ZBTB16: variants seen among roughly 807,000 people sequenced by gnomAD.
The protein encoded by ZBTB16 is zinc finger and BTB domain containing 16, also known as zinc finger and BTB domain-containing protein 16.
ZBTB16 carries 8 observed loss-of-function variants against 56.8 expected under a neutral mutation model. The observed-to-expected ratio is 0.14, with a 90% CI of 0.08 to 0.25. The LOEUF is 0.25. ZBTB16 is among the 10% of genes least tolerant of loss of function. ZBTB16 has a pLI of 1.00. For missense variants in ZBTB16, 625 were observed against 903.0 expected (o/e 0.69, Z 3.95); for synonymous variants, 363 against 368.5 (o/e 0.98, Z 0.17).
intron 2 of ZBTB16, among the ~76,000 whole-genome samples, chr11:114,077,656 A>G (rs1397849075): frequency 6.6e-6 from 1 of 152,166 alleles, no homozygotes; most frequent in Non-Finnish European, 1.5e-5. Flanking sequence ...GAGTTGCCTC[A>G]TCAGACGTGA....
intron 2 of ZBTB16, among the ~76,000 whole-genome samples, chr11:114,121,210 G>A (rs1426027677): frequency 1.3e-5 from 2 of 152,172 alleles, no homozygotes; most frequent in Non-Finnish European, 2.9e-5. Context: ...TAGTGTTTGC[G>A]ATTTCTGTGG....
At chr11:114,148,715 G>A (rs968031118) in intron 2 of ZBTB16, among the ~76,000 whole-genome samples, 6 of 151,464 alleles carry the variant, frequency 4.0e-5, no homozygotes, top group East Asian at 3.9e-4. Flanking sequence ...GGATGGTCTC[G>A]ATCTCCTGAC....
chr11:114,146,777 A>C (rs1050250154), intron 2 of ZBTB16, among the ~76,000 whole-genome samples: 1 of 148,572 alleles, frequency 6.7e-6, no homozygotes, highest in Middle Eastern at 3.3e-3. Context: ...TGAACCTGGG[A>C]GGCAGAGGTT....
intron 2 of ZBTB16, among the ~76,000 whole-genome samples, chr11:114,072,464 G>A (rs1939384332): frequency 2.0e-5 from 3 of 152,224 alleles, no homozygotes. Flanking sequence ...CTGTGCTTAT[G>A]AGAGAGATGA....
intron 2 of ZBTB16, among the ~76,000 whole-genome samples, chr11:114,131,225 G>A (rs1941649187): frequency 6.6e-6 from 1 of 152,120 alleles, no homozygotes; most frequent in African/African-American, 2.4e-5. Flanking sequence ...ATGTGTAGTG[G>A]GTAGAGGCTG....
intron 4 of ZBTB16, among the ~76,000 whole-genome samples, chr11:114,233,324 G>A (rs1206767657): frequency 6.6e-6 from 1 of 151,950 alleles, no homozygotes; most frequent in Non-Finnish European, 1.5e-5. Flanking sequence ...CCGGAATGTG[G>A]TTTTTAATCC....
chr11:114,249,696 C>T (rs1411503672), intron 6 of ZBTB16, among the ~76,000 whole-genome samples: 12 of 136,988 alleles, frequency 8.8e-5, no homozygotes, highest in Non-Finnish European at 1.5e-4. Flanking sequence ...ACCCGGGAAG[C>T]GGAGCTTGCA....
chr11:114,107,853 T>C (rs928776081), intron 2 of ZBTB16, among the ~76,000 whole-genome samples: 1 of 152,072 alleles, frequency 6.6e-6, no homozygotes, highest in African/African-American at 2.4e-5. Flanking sequence ...TTCTGTTTTA[T>C]TTGAGGAGAG....
intron 2 of ZBTB16, among the ~76,000 whole-genome samples, chr11:114,119,147 C>A (rs1049515860): frequency 1.3e-5 from 2 of 151,018 alleles, no homozygotes; most frequent in East Asian, 3.9e-4. Context: ...GTGCCTTAGT[C>A]CCAGATACCT....
chr11:114,226,971 C>T (rs1446196510), intron 4 of ZBTB16, among the ~76,000 whole-genome samples: 1 of 152,180 alleles, frequency 6.6e-6, no homozygotes, highest in Non-Finnish European at 1.5e-5. Flanking sequence ...TTGCGTGCAG[C>T]CTGACGTTGC....
intron 2 of ZBTB16, among the ~76,000 whole-genome samples, chr11:114,110,776 G>T (rs1940976182): frequency 6.6e-6 from 1 of 152,218 alleles, no homozygotes; most frequent in African/African-American, 2.4e-5. Context: ...ATTACCTGAT[G>T]CTGAAGGGTA....
chr11:114,132,458 A>T (rs1311128679), intron 2 of ZBTB16, among the ~76,000 whole-genome samples: 1 of 152,220 alleles, frequency 6.6e-6, no homozygotes, highest in Non-Finnish European at 1.5e-5. Context: ...CAGTAGGGAC[A>T]ATGGTAGCAC....
chr11:114,138,495 T>C (rs1941857185), intron 2 of ZBTB16, among the ~76,000 whole-genome samples: 1 of 152,180 alleles, frequency 6.6e-6, no homozygotes, highest in Non-Finnish European at 1.5e-5. Flanking sequence ...TTTTAAAGTC[T>C]TTTACATACA....
intron 3 of ZBTB16, among the ~76,000 whole-genome samples, chr11:114,183,432 T>C (rs1373773040): frequency 6.6e-6 from 1 of 152,208 alleles, no homozygotes; most frequent in Non-Finnish European, 1.5e-5. Context: ...CCTGGCCTCC[T>C]TCCTTTCTCT....
At chr11:114,231,495 G>C (rs1944441377) in intron 4 of ZBTB16, among the ~76,000 whole-genome samples, 1 of 152,188 alleles carries the variant, frequency 6.6e-6, no homozygotes, top group African/African-American at 2.4e-5. Flanking sequence ...TGTTCAGCCA[G>C]TTCTAGGAGG....
At chr11:114,094,320 A>C (rs749929448) in intron 2 of ZBTB16, among the ~76,000 whole-genome samples, 5 of 152,234 alleles carry the variant, frequency 3.3e-5, no homozygotes, top group Non-Finnish European at 7.3e-5. Flanking sequence ...GTCTCAAAAA[A>C]ATAAAAAATA....
intron 4 of ZBTB16, among the ~76,000 whole-genome samples, chr11:114,232,935 T>C (rs1944471151): frequency 6.6e-6 from 1 of 152,158 alleles, no homozygotes. Context: ...CTTAAGGCCT[T>C]GGACCCCGTG....
At chr11:114,220,921 T>C (rs1025270181) in intron 4 of ZBTB16, among the ~76,000 whole-genome samples, 2 of 152,214 alleles carry the variant, frequency 1.3e-5, no homozygotes, top group African/African-American at 4.8e-5. Flanking sequence ...AGCAGGACTT[T>C]CTGTCATAAA....
At position 114,064,110 on chromosome 11, in the gene ZBTB16, C is replaced by T; in HGVS notation, c.810C>T (p.Asp270=). ...CCAGCATCTCAGGAGGGATGGGGGA[C>T]AAGGTTGAGGAAAGAGGCAAAGAGG... is the stretch of plus-strand genomic sequence containing the variant. ...AESSISGGMG[D]KVEERGKEGP... The change falls in exon 2 of 7, where the codon GAC becomes GAT. Residue 270 remains aspartate (D), a synonymous_variant. Transcript: ENST00000335953. The surrounding 1 kb of genome is among the most constrained non-coding windows in gnomAD (Gnocchi z 4.2). 6.2e-7 allele frequency: 1 copy of T among 1,613,860 alleles called. No homozygotes were observed.
Sources: gnomAD v4.1 joint callset for allele counts (sites outside exome capture counted in the v4.1 genomes callset) on GRCh38, gnomAD v4.1.1 for gene constraint, Gnocchi (gnomAD v3.1) non-coding constraint, MANE v1.5 for transcripts, NCBI Gene and HGNC (gene_info 2026-07-23, HGNC 2026-07-21) for gene names.